The following CTNNA2 variants were observed in gnomAD, a reference collection of about 807,000 sequenced individuals.
CTNNA2 encodes catenin alpha 2, also known as catenin alpha-2.
A neutral mutation model predicts 101.0 loss-of-function variants in CTNNA2; 42 were observed. That is an observed-to-expected ratio of 0.42 (90% CI 0.32 to 0.54). CTNNA2 has a LOEUF of 0.54. Ranked by LOEUF, CTNNA2 falls within the 20% of genes least tolerant of loss-of-function variation. The probability of loss-of-function intolerance (pLI) is 0.14; values close to 1 mark genes in which losing one functional copy is unlikely to be tolerated. For synonymous variants in CTNNA2, 450 were observed against 456.4 expected (o/e 0.99, Z 0.18); for missense variants, 871 against 1,223.1 (o/e 0.71, Z 4.29).
intron 7 of CTNNA2, among the ~76,000 whole-genome samples, chr2:80,104,080 T>C (rs1700720929): frequency 6.6e-6 from 1 of 152,190 alleles, no homozygotes; most frequent in Admixed American, 6.5e-5. Context: ...AATAATGTTT[T>C]TAAGCCTCAC....
At chr2:79,424,510 GT>G (rs1214465426) in intron 4 of CTNNA2, among the ~76,000 whole-genome samples, 12 of 152,060 alleles carry the variant, frequency 7.9e-5, no homozygotes, top group African/African-American at 2.9e-4. Context: ...ACCGTTAGTG[GT>G]TAATAAACAA....
intron 3 of CTNNA2, among the ~76,000 whole-genome samples, chr2:79,817,247 A>G (rs1008896848): frequency 4.0e-5 from 6 of 148,396 alleles, no homozygotes; most frequent in Non-Finnish European, 7.4e-5. Context: ...ATTTCACTTC[A>G]TGCATTAAAT....
intron 7 of CTNNA2, among the ~76,000 whole-genome samples, chr2:80,072,784 T>C (rs1024887642): frequency 1.3e-5 from 2 of 151,574 alleles, no homozygotes; most frequent in African/African-American, 2.4e-5. Flanking sequence ...TGTAAGAAAA[T>C]AGGGAGGGTC....
At chr2:79,567,929 G>A (rs191042266) in intron 1 of CTNNA2, among the ~76,000 whole-genome samples, 91 of 152,284 alleles carry the variant, frequency 6.0e-4, no homozygotes, top group African/African-American at 2.0e-3. Flanking sequence ...GAGAAGACTG[G>A]ACTATTTTTA....
At chr2:80,200,004 C>A (rs1456892309) in intron 7 of CTNNA2, among the ~76,000 whole-genome samples, 1 of 152,142 alleles carries the variant, frequency 6.6e-6, no homozygotes, top group Admixed American at 6.5e-5. Context: ...TCCTTAGATA[C>A]AACCAGAAAG....
chr2:79,997,463 C>G (rs1214195721), intron 7 of CTNNA2, among the ~76,000 whole-genome samples: 1 of 152,092 alleles, frequency 6.6e-6, no homozygotes, highest in Non-Finnish European at 1.5e-5. Flanking sequence ...CCAAACCAAA[C>G]AAACCCTGCA....
chr2:79,445,141 A>T (rs1678819321), intron 4 of CTNNA2, among the ~76,000 whole-genome samples: 1 of 152,172 alleles, frequency 6.6e-6, no homozygotes, highest in Admixed American at 6.6e-5. Context: ...AATTGCCACC[A>T]TTATTTTTTG....
chr2:79,622,453 T>G (rs1214443505), intron 1 of CTNNA2, among the ~76,000 whole-genome samples: 2 of 152,234 alleles, frequency 1.3e-5, no homozygotes, highest in Non-Finnish European at 2.9e-5. Context: ...GTAATGATCC[T>G]TTAAATTGTG....
At chr2:79,806,083 C>G (rs1676549958) in intron 3 of CTNNA2, among the ~76,000 whole-genome samples, 2 of 152,100 alleles carry the variant, frequency 1.3e-5, no homozygotes, top group African/African-American at 4.8e-5. Flanking sequence ...TCCTGCTTCT[C>G]TCAAACTCTT....
intron 9 of CTNNA2, among the ~76,000 whole-genome samples, chr2:80,458,927 A>C (rs1684200002): frequency 6.6e-6 from 1 of 152,216 alleles, no homozygotes; most frequent in African/African-American, 2.4e-5. Flanking sequence ...ATAAAATTAT[A>C]ATGAAGCTGC....
At chr2:79,733,345 A>G (rs1041489128) in intron 2 of CTNNA2, among the ~76,000 whole-genome samples, 1 of 152,108 alleles carries the variant, frequency 6.6e-6, no homozygotes, top group African/African-American at 2.4e-5. Context: ...TCAGCCTCAT[A>G]ACTAGTTGAC....
chr2:79,839,290 G>A (rs889751205), intron 3 of CTNNA2, among the ~76,000 whole-genome samples: 10 of 152,008 alleles, frequency 6.6e-5, no homozygotes, highest in African/African-American at 1.7e-4. Context: ...GATGCTAACA[G>A]TATAATTTTT....
At position 79,754,433 on chromosome 2, in the gene CTNNA2, C is replaced by T. The variant is rs527603307; in HGVS notation, c.298+9851C>T. Among the ~76,000 whole-genome samples, 23 of 152,198 alleles carry T rather than the reference C, an allele frequency of 1.5e-4. No individual in the cohort carries two copies. In the South Asian group the frequency reaches 1.7e-3, roughly 11 times the overall value. ...GTGAACTCCTAGGCTGAGAGCTGGT[C>T]AGAGACTACTTCCCTGACCAGGAAG... On this transcript the variant is annotated intron_variant, in intron 3 of 18. Transcript: ENST00000402739.
At chr2:80,628,115 G>A (rs1441596440) in intron 18 of CTNNA2, among the ~76,000 whole-genome samples, 3 of 152,030 alleles carry the variant, frequency 2.0e-5, no homozygotes, top group Non-Finnish European at 4.4e-5. Context: ...AACAAGAGAG[G>A]ACACAAACAA....
Position 79,663,324 on chromosome 2 carries a change from C to G in CTNNA2, c.102+11666C>G, listed in dbSNP as rs571188505. 7.2e-5 allele frequency among the ~76,000 whole-genome samples: 11 copies of G among 152,302 alleles called. No individual in the cohort carries two copies. The South Asian group carries it at 2.3e-3, about 32-fold the overall frequency. On this transcript the variant is annotated intron_variant, in intron 2 of 18. Coordinates refer to ENST00000402739, the MANE Select transcript of CTNNA2 (RefSeq NM_001282597.3). ...AAAACAATGCATAATTTGATCATGT[C>G]ATTCTCTTAAGAATCTGCAAATGAT...
intron 2 of CTNNA2, among the ~76,000 whole-genome samples, chr2:79,704,675 G>A (rs990248895): frequency 1.3e-5 from 2 of 150,006 alleles, no homozygotes; most frequent in Non-Finnish European, 2.9e-5. Context: ...ACCACGCCTG[G>A]CTAATTTTTT....
intron 7 of CTNNA2, among the ~76,000 whole-genome samples, chr2:79,921,422 G>A (rs929305330): frequency 1.6e-4 from 25 of 152,102 alleles, no homozygotes; most frequent in South Asian, 2.1e-4. Flanking sequence ...GAGGAGACTC[G>A]TGAAGCTGGA....
At chr2:79,818,665 C>T (rs7569996) in intron 3 of CTNNA2, among the ~76,000 whole-genome samples, 44,561 of 151,166 alleles carry the variant, frequency 0.29, 8,061 homozygotes, top group African/African-American at 0.51. Flanking sequence ...GCACTGACAA[C>T]TCCTAAACCC....
chr2:79,291,309 C>A (rs1338235330), intron 2 of CTNNA2, among the ~76,000 whole-genome samples: 2 of 152,148 alleles, frequency 1.3e-5, no homozygotes, highest in Non-Finnish European at 2.9e-5. Context: ...GAGACTATCC[C>A]AGGAGACTGT....
Sources: gnomAD v4.1 joint callset for allele counts (sites outside exome capture counted in the v4.1 genomes callset) on GRCh38, gnomAD v4.1.1 for gene constraint, MANE v1.5 for transcripts, NCBI Gene and HGNC (gene_info 2026-07-23, HGNC 2026-07-21) for gene names.